CTNNA3: variants seen among roughly 807,000 people sequenced by gnomAD.
The protein encoded by CTNNA3 is catenin alpha 3, also known as catenin alpha-3.
A neutral mutation model predicts 95.7 loss-of-function variants in CTNNA3; 76 were observed. The observed-to-expected ratio is 0.79, with a 90% CI of 0.66 to 0.96. CTNNA3 has a LOEUF of 0.96. Ranked by LOEUF, CTNNA3 falls within the 40% of genes least tolerant of loss-of-function variation. The probability of loss-of-function intolerance (pLI) is 0.00; values close to 1 mark genes in which losing one functional copy is unlikely to be tolerated. For synonymous variants in CTNNA3, 431 were observed against 374.4 expected (o/e 1.15, Z -1.74); for missense variants, 1,191 against 1,089.8 (o/e 1.09, Z -1.31).
chr10:66,790,151 T>C (rs141865152), intron 7 of CTNNA3, among the ~76,000 whole-genome samples: 45 of 152,260 alleles, frequency 3.0e-4, no homozygotes, highest in Non-Finnish European at 4.9e-4. Context: ...AGCTAACAGA[T>C]AAAAATATTA....
chr10:66,824,722 C>T (rs541442566), intron 7 of CTNNA3, among the ~76,000 whole-genome samples: 1 of 152,144 alleles, frequency 6.6e-6, no homozygotes, highest in African/African-American at 2.4e-5. Context: ...TATAAAATAC[C>T]TAACCAGTAC....
chr10:67,726,411 ATATAATATTATATATTATATC>A (rs1841219326), intron 1 of CTNNA3, among the ~76,000 whole-genome samples: 1 of 56,892 alleles, frequency 1.8e-5, no homozygotes, highest in African/African-American at 1.2e-4. Context: ...ATTATATCAT[ATATAATATTATATATTATATC>A]ATATATAATA....
intron 4 of CTNNA3, among the ~76,000 whole-genome samples, chr10:67,523,639 A>T (rs369006014): frequency 1.1e-4 from 16 of 152,324 alleles, no homozygotes; most frequent in African/African-American, 3.6e-4. Context: ...TAGAAGACGT[A>T]AGACAATTTG....
intron 7 of CTNNA3, among the ~76,000 whole-genome samples, chr10:66,794,641 A>G (rs1018431292): frequency 2.0e-5 from 3 of 152,138 alleles, no homozygotes; most frequent in African/African-American, 7.2e-5. Flanking sequence ...TGGCCATAGC[A>G]GCTTCTGAAT....
chr10:66,010,337 TA>T (rs1210821860), intron 15 of CTNNA3, among the ~76,000 whole-genome samples: 1 of 152,116 alleles, frequency 6.6e-6, no homozygotes, highest in Non-Finnish European at 1.5e-5. Flanking sequence ...AAAGAATAAC[TA>T]AAAAGTAGTT....
At chr10:66,682,973 A>G (rs1847120787) in intron 9 of CTNNA3, among the ~76,000 whole-genome samples, 1 of 152,152 alleles carries the variant, frequency 6.6e-6, no homozygotes, top group African/African-American at 2.4e-5. Flanking sequence ...AGCAAATGCA[A>G]TGAGTGTGGC....
chr10:67,726,564 ATATATTACATATTATATAATATGTAATAT>A (rs1442152720), intron 1 of CTNNA3, among the ~76,000 whole-genome samples: 205 of 70,844 alleles, frequency 2.9e-3, no homozygotes, highest in Middle Eastern at 0.018. Context: ...ATAATATAAT[ATATATTACATATTATATAATATGTAATAT>A]TATATTACAT....
intron 5 of CTNNA3, among the ~76,000 whole-genome samples, chr10:67,300,023 G>A (rs1219027631): frequency 6.6e-6 from 1 of 152,156 alleles, no homozygotes; most frequent in Non-Finnish European, 1.5e-5. Flanking sequence ...CAGGCCAGCA[G>A]CATCAGCATT....
chr10:67,532,484 C>G (rs567854322), intron 4 of CTNNA3, among the ~76,000 whole-genome samples: 16 of 152,108 alleles, frequency 1.1e-4, no homozygotes, highest in Non-Finnish European at 1.9e-4. Context: ...ATACATTTGA[C>G]AAAAGTTGTT....
At chr10:67,591,427 G>A (rs1392062799) in intron 3 of CTNNA3, among the ~76,000 whole-genome samples, 1 of 152,028 alleles carries the variant, frequency 6.6e-6, no homozygotes, top group East Asian at 1.9e-4. Flanking sequence ...ATTAGATATG[G>A]ATATTAAGTA....
At chr10:67,645,801 A>G (rs551088890) in intron 2 of CTNNA3, among the ~76,000 whole-genome samples, 4 of 151,794 alleles carry the variant, frequency 2.6e-5, no homozygotes, top group African/African-American at 9.7e-5. Context: ...GCCATATCAT[A>G]TATAAGTAAA....
At chr10:67,181,597 C>G (rs575254878) in intron 6 of CTNNA3, among the ~76,000 whole-genome samples, 34 of 152,008 alleles carry the variant, frequency 2.2e-4, no homozygotes, top group African/African-American at 8.2e-4. Flanking sequence ...AGTATATAAT[C>G]TTATGTATAA....
chr10:65,988,811 T>G lies in CTNNA3; in HGVS notation c.2160-14A>C, dbSNP rs766538493. 2 of 1,588,630 alleles carry G rather than the reference T, an allele frequency of 1.3e-6. No homozygotes were observed. The highest frequency in any genetic ancestry group is 1.7e-5 in the Admixed American group (1 of 59,784). On this transcript the variant is annotated splice_polypyrimidine_tract_variant and intron_variant, in intron 15 of 17. Coordinates refer to ENST00000433211, the MANE Select transcript of CTNNA3 (RefSeq NM_013266.4). The stretch of plus-strand genomic sequence containing the variant: ...GGTCCTTTGCCCCTGGAAAAAAATT[T>G]ATATATGTTAGCTGTGGTGTTCATG...
chr10:67,302,069 AAGAAAGAAAGAAAG>A (rs1216534073), intron 5 of CTNNA3, among the ~76,000 whole-genome samples: 22 of 130,124 alleles, frequency 1.7e-4, no homozygotes, highest in African/African-American at 6.3e-4. Flanking sequence ...GAAAGAAAGA[AAGAAAGAAAGAAAG>A]AAAGAAAGAA....
At chr10:66,401,312 G>A (rs2093018166) in intron 11 of CTNNA3, among the ~76,000 whole-genome samples, 1 of 152,038 alleles carries the variant, frequency 6.6e-6, no homozygotes, top group Non-Finnish European at 1.5e-5. Flanking sequence ...GATTGTTTGA[G>A]GTCAGGAGTT....
At chr10:66,957,459 T>TATATATATATGCATATATATATATGC (rs1564794111) in intron 7 of CTNNA3, among the ~76,000 whole-genome samples, 36 of 25,144 alleles carry the variant, frequency 1.4e-3, no homozygotes, top group Admixed American at 7.2e-3. Context: ...TATATATGCA[T>TATATATATATGCATATATATATATGC]ATATATATAT....
intron 9 of CTNNA3, among the ~76,000 whole-genome samples, chr10:66,628,566 T>C (rs529682960): frequency 6.6e-6 from 1 of 152,252 alleles, no homozygotes; most frequent in South Asian, 2.1e-4. Context: ...GTGGAAATAA[T>C]CTAGCTGAAA....
rs575681360 is a variant in CTNNA3 at position 66,339,413 on chromosome 10, A to G, written c.1732+39739T>C. Among the ~76,000 whole-genome samples, 24 of 152,012 alleles carry G rather than the reference A, an allele frequency of 1.6e-4. No homozygotes were observed. The East Asian group carries it at 4.0e-3, about 26-fold the overall frequency. ...AAAAGTCTGATTGTTAAATCTTAGA[A>G]ATCTTTCATAAATCAGCAGAGGTAA... On this transcript the variant is annotated intron_variant, in intron 12 of 17. Coordinates refer to ENST00000433211, the MANE Select transcript of CTNNA3 (RefSeq NM_013266.4).
intron 16 of CTNNA3, among the ~76,000 whole-genome samples, chr10:65,982,152 G>C (rs1564556606): frequency 6.9e-6 from 1 of 144,958 alleles, no homozygotes; most frequent in Non-Finnish European, 1.5e-5. Context: ...AAATCAGCAA[G>C]AAAAAAAATC....
Sources: allele counts gnomAD v4.1 joint callset (sites outside exome capture counted in the v4.1 genomes callset), GRCh38; gene constraint gnomAD v4.1.1; transcripts MANE v1.5; gene names NCBI Gene and HGNC (gene_info 2026-07-23, HGNC 2026-07-21).